The following FANCB variants were observed in gnomAD, a reference collection of about 807,000 sequenced individuals.
The protein encoded by FANCB is Fanconi anemia group B protein.
In FANCB, 5 loss-of-function variants were observed where a neutral mutation model predicts 38.9. The observed-to-expected ratio is 0.13, with a 90% CI of 0.07 to 0.27. The LOEUF is 0.27. Among genes scored for constraint, FANCB ranks in the 10% least tolerant of loss-of-function variants. The probability of loss-of-function intolerance (pLI) is 1.00; values close to 1 mark genes in which losing one functional copy is unlikely to be tolerated. For missense variants in FANCB, 573 were observed against 602.7 expected, an observed-to-expected ratio of 0.95 and a Z score of 0.52; for synonymous variants, 236 against 215.4, an observed-to-expected ratio of 1.10 and a Z score of -0.84.
chrX:14,740,877 C>A, the FANCB span, among the ~76,000 whole-genome samples: 2 of 111,174 alleles, frequency 1.8e-5, no homozygotes, highest in Non-Finnish European at 1.9e-5. Flanking sequence ...CCATTTCTAC[C>A]TTATATTTTT....
chrX:14,751,270 A>G, the FANCB span, among the ~76,000 whole-genome samples: 3 of 112,804 alleles, frequency 2.7e-5, no homozygotes, highest in Non-Finnish European at 5.6e-5. Flanking sequence ...ATGGATAAAT[A>G]GATTGTGGTA....
chrX:14,837,414 C>G (rs189621142), intron 10 of FANCB, among the ~76,000 whole-genome samples: 3 of 112,214 alleles, frequency 2.7e-5, no homozygotes, highest in African/African-American at 9.7e-5. Context: ...CATGAACCAG[C>G]AATGGTAATG....
At chrX:14,871,146 AATTAGAGG>A (rs2092494437) in intron 1 of FANCB, among the ~76,000 whole-genome samples, 2 of 110,983 alleles carry the variant, frequency 1.8e-5, no homozygotes, top group Non-Finnish European at 3.8e-5. Flanking sequence ...TGATCAACTA[AATTAGAGG>A]ATTTGGGAAG....
chrX:14,706,567 T>C, the FANCB span, among the ~76,000 whole-genome samples: 1 of 112,109 alleles, frequency 8.9e-6, no homozygotes, highest in African/African-American at 3.2e-5. Context: ...ATGTTGCTTG[T>C]TGTTTTGTTT....
the FANCB span, among the ~76,000 whole-genome samples, chrX:14,699,220 C>T: frequency 8.9e-6 from 1 of 111,964 alleles, no homozygotes; most frequent in East Asian, 2.8e-4. Flanking sequence ...AACAACTTCT[C>T]TACAATGCAG....
the FANCB span, among the ~76,000 whole-genome samples, chrX:14,766,651 A>T: frequency 9.1e-6 from 1 of 110,030 alleles, no homozygotes; most frequent in Non-Finnish European, 1.9e-5. Context: ...ATGTGTTTTC[A>T]TTAACTCATC....
the FANCB span, among the ~76,000 whole-genome samples, chrX:14,738,888 A>C: frequency 8.9e-6 from 1 of 112,271 alleles, no homozygotes; most frequent in South Asian, 3.7e-4. Flanking sequence ...TTTACATTTC[A>C]CTTACTCCAT....
Position 14,865,572 on chromosome X carries a change from T to G in FANCB, c.-62A>C, listed in dbSNP as rs972578779. The G allele has an allele frequency of 7.8e-6, 7 of 897,739 alleles. No individual in the cohort carries two copies. The highest frequency in any genetic ancestry group is 1.1e-5 in the Non-Finnish European group (7 of 627,112). The allele number at this position is 897,739 out of a possible 1,213,427, so 74.0% of individuals were successfully genotyped here. A position where few individuals can be genotyped will look rare whatever the true frequency, so the allele number is the denominator to read the frequency against. On this transcript the variant is annotated 5_prime_UTR_variant, in exon 3 of 10. Transcript: ENST00000650831. ...AAATGCAAATTGATTCCAGTTGATG[T>G]TTCTAAACCTAAAAAAGAAATGAGG...
chrX:14,831,014 T>A (rs1378904075), downstream of FANCB, among the ~76,000 whole-genome samples: 1 of 111,910 alleles, frequency 8.9e-6, no homozygotes, highest in Non-Finnish European at 1.9e-5. Context: ...GTTGTGAACT[T>A]TATGTTAGTC....
the FANCB span, among the ~76,000 whole-genome samples, chrX:14,803,023 A>C: frequency 8.9e-6 from 1 of 112,528 alleles, no homozygotes; most frequent in East Asian, 2.8e-4. Flanking sequence ...GTTCTTTTGA[A>C]ATGAATTTCA....
At chrX:14,833,046 T>C (rs1235464905), downstream of FANCB, among the ~76,000 whole-genome samples, 1 of 112,325 alleles carries the variant, frequency 8.9e-6, no homozygotes, top group Non-Finnish European at 1.9e-5. Flanking sequence ...AAACATATCC[T>C]TCCTTCCACA....
intron 1 of FANCB, among the ~76,000 whole-genome samples, chrX:14,871,874 T>G (rs779378730): frequency 6.4e-5 from 7 of 109,222 alleles, no homozygotes; most frequent in African/African-American, 2.3e-4. Flanking sequence ...TCTAAGCACT[T>G]TGGATTAACT....
At chrX:14,759,064 A>G in the FANCB span, among the ~76,000 whole-genome samples, 1 of 112,118 alleles carries the variant, frequency 8.9e-6, no homozygotes, top group East Asian at 2.8e-4. Flanking sequence ...ACTTAGAGAA[A>G]TGCAAAATAC....
chrX:14,749,907 G>A, the FANCB span, among the ~76,000 whole-genome samples: 1 of 112,464 alleles, frequency 8.9e-6, no homozygotes, highest in South Asian at 3.7e-4. Context: ...CTGTACAAAT[G>A]CTTGGCTACA....
At chrX:14,820,150 C>A in the FANCB span, among the ~76,000 whole-genome samples, 1 of 111,046 alleles carries the variant, frequency 9.0e-6, no homozygotes, top group African/African-American at 3.3e-5. Context: ...CTGATTGGTT[C>A]TCTCTTCCTG....
At chrX:14,799,086 C>G in the FANCB span, among the ~76,000 whole-genome samples, 1 of 111,531 alleles carries the variant, frequency 9.0e-6, no homozygotes, top group African/African-American at 3.3e-5. Flanking sequence ...ATATTTGGTG[C>G]AAAAATGAGT....
At chrX:14,826,192 A>G in the FANCB span, among the ~76,000 whole-genome samples, 1 of 111,851 alleles carries the variant, frequency 8.9e-6, no homozygotes, top group Non-Finnish European at 1.9e-5. Context: ...AAATATTCCA[A>G]GATGAAAACT....
chrX:14,724,930 G>A, the FANCB span, among the ~76,000 whole-genome samples: 1 of 111,257 alleles, frequency 9.0e-6, no homozygotes, highest in Non-Finnish European at 1.9e-5. Context: ...AATCTTGAAT[G>A]GAAGCCATTT....
chrX:14,694,288 C>T, the FANCB span, among the ~76,000 whole-genome samples: 4 of 111,393 alleles, frequency 3.6e-5, no homozygotes, highest in Admixed American at 9.5e-5. Context: ...CAATCTCACT[C>T]CCTGTCATCA....
Sources: allele counts gnomAD v4.1 joint callset (sites outside exome capture counted in the v4.1 genomes callset), GRCh38; gene constraint gnomAD v4.1.1; transcripts MANE v1.5; gene names NCBI Gene and HGNC (gene_info 2026-07-23, HGNC 2026-07-21).